The following CLUAP1 variants were observed in gnomAD, a reference collection of about 807,000 sequenced individuals.
The protein encoded by CLUAP1 is intraflagellar transport 38.
CLUAP1 carries 50 observed loss-of-function variants against 55.0 expected under a neutral mutation model. That is an observed-to-expected ratio of 0.91 (90% CI 0.72 to 1.15). The LOEUF (loss-of-function observed/expected upper bound fraction) is 1.15, where lower values mean the gene tolerates loss of function less well. Ranked by LOEUF, CLUAP1 falls within the 50% of genes most tolerant of loss-of-function variation. The pLI is 0.00. For missense variants in CLUAP1, 530 were observed against 507.6 expected (o/e 1.04, Z -0.42); for synonymous variants, 195 against 175.4 (o/e 1.11, Z -0.88).
chr16:3,520,314 G>T (rs772886305), intron 7 of CLUAP1, among the ~76,000 whole-genome samples: 1 of 152,036 alleles, frequency 6.6e-6, no homozygotes, highest in South Asian at 2.1e-4. Flanking sequence ...TGAGGCTGCA[G>T]TGAGCTATGG....
chr16:3,522,286 C>T (rs2037853205), intron 7 of CLUAP1, among the ~76,000 whole-genome samples: 1 of 151,994 alleles, frequency 6.6e-6, no homozygotes, highest in Admixed American at 6.6e-5. Flanking sequence ...GCCTCAGCCA[C>T]CCGAGTAGCT....
chr16:3,533,421 C>T (rs1360736410), intron 11 of CLUAP1: 9 of 492,922 alleles, frequency 1.8e-5, no homozygotes, highest in East Asian at 1.4e-4. Context: ...CGCCGAGGGC[C>T]GGGCTCAGGA....
At chr16:3,526,174 G>C (rs2037937925) in intron 8 of CLUAP1, among the ~76,000 whole-genome samples, 1 of 152,194 alleles carries the variant, frequency 6.6e-6, no homozygotes, top group African/African-American at 2.4e-5. Context: ...GGGTGGGGCA[G>C]CTGCTTCACT....
chr16:3,497,499 G>A (rs2037327085), upstream of CLUAP1, among the ~76,000 whole-genome samples: 1 of 152,164 alleles, frequency 6.6e-6, no homozygotes, highest in Non-Finnish European at 1.5e-5. Context: ...AAAGTGCTCA[G>A]TACAATTCTT....
At chr16:3,521,240 T>G (rs2037826762) in intron 7 of CLUAP1, among the ~76,000 whole-genome samples, 1 of 152,086 alleles carries the variant, frequency 6.6e-6, no homozygotes, top group Admixed American at 6.5e-5. Flanking sequence ...TTTTAAAGCA[T>G]CAATTCATTT....
chr16:3,509,196 C>A (rs1406607881), intron 4 of CLUAP1, among the ~76,000 whole-genome samples: 1 of 152,174 alleles, frequency 6.6e-6, no homozygotes, highest in Non-Finnish European at 1.5e-5. Context: ...GGCAGTCAAG[C>A]CATGTTCATG....
At chr16:3,501,811 G>A (rs2037408596) in intron 1 of CLUAP1, among the ~76,000 whole-genome samples, 1 of 151,940 alleles carries the variant, frequency 6.6e-6, no homozygotes, top group African/African-American at 2.4e-5. Flanking sequence ...AACCAGCAAC[G>A]AAACCGAGGA....
upstream of CLUAP1, among the ~76,000 whole-genome samples, chr16:3,497,934 G>C (rs2037330825): frequency 6.6e-6 from 1 of 152,172 alleles, no homozygotes; most frequent in African/African-American, 2.4e-5. Flanking sequence ...TGGGGTGATA[G>C]GTGTGAGCCG....
the CLUAP1 span, chr16:3,495,552 C>T: frequency 6.7e-7 from 1 of 1,497,990 alleles, no homozygotes; most frequent in East Asian, 2.5e-5. Flanking sequence ...GGAAGACTCC[C>T]AGCCTTCCTG....
At chr16:3,521,086 G>GC (rs2037823338) in intron 7 of CLUAP1, among the ~76,000 whole-genome samples, 1 of 151,584 alleles carries the variant, frequency 6.6e-6, no homozygotes, top group African/African-American at 2.4e-5. Context: ...CACAGGGAGC[G>GC]CCCTGGCTCC....
At chr16:3,495,532 G>A in the CLUAP1 span, 2 of 1,527,564 alleles carry the variant, frequency 1.3e-6, no homozygotes, top group Non-Finnish European at 1.8e-6. Flanking sequence ...TGGTTCTTAT[G>A]ACATCACGGG....
rs931955132 is a variant in CLUAP1, at chr16:3,523,142, C to T, written c.714-16C>T. The T allele has an allele frequency of 2.5e-6, 4 of 1,595,768 alleles. No homozygotes were observed. Among genetic ancestry groups the T allele is most frequent in the Non-Finnish European group, 3.4e-6 (4 of 1,172,684 alleles). On this transcript the variant is annotated splice_polypyrimidine_tract_variant and intron_variant, in intron 7 of 11. Transcript: ENST00000576634. ...TATAATTCACCTTTCCTTTTTATTT[C>T]ATTTGCTTCTTTTAGGCCATGTTTT... is the stretch of plus-strand genomic sequence containing the variant.
At chr16:3,509,932 T>G (rs1323710299) in intron 4 of CLUAP1, 1 of 152,104 alleles carries the variant, frequency 6.6e-6, no homozygotes, top group Non-Finnish European at 1.5e-5. Context: ...GTTCAAGAGA[T>G]TCTTCTGCCT....
At chr16:3,514,813 T>C (rs1010117200) in intron 5 of CLUAP1, among the ~76,000 whole-genome samples, 11 of 152,178 alleles carry the variant, frequency 7.2e-5, no homozygotes, top group Admixed American at 5.9e-4. Context: ...AGTTTCAACA[T>C]AGGAATTTTG....
intron 4 of CLUAP1, among the ~76,000 whole-genome samples, chr16:3,509,471 G>A (rs748024658): frequency 6.6e-5 from 10 of 152,242 alleles, no homozygotes; most frequent in Non-Finnish European, 1.3e-4. Context: ...CGAAGCAGGC[G>A]GCAGGGCTGG....
At chr16:3,497,162 C>A (rs1394387209), upstream of CLUAP1, among the ~76,000 whole-genome samples, 1 of 151,580 alleles carries the variant, frequency 6.6e-6, no homozygotes, top group African/African-American at 2.4e-5. Flanking sequence ...TGACCCACCG[C>A]GCCCAGCAAC....
chr16:3,517,318 A>G (rs774184228), intron 6 of CLUAP1, among the ~76,000 whole-genome samples: 2 of 151,370 alleles, frequency 1.3e-5, no homozygotes, highest in African/African-American at 4.9e-5. Context: ...TTATTTGTTT[A>G]TTTTTTTAGA....
chr16:3,507,717 T>TGC lies in CLUAP1; in HGVS notation c.220-571_220-570dup, dbSNP rs1555492725. On this transcript the variant is annotated intron_variant, in intron 3 of 11. Coordinates refer to ENST00000576634, the MANE Select transcript of CLUAP1 (RefSeq NM_015041.3). ...GTGTGTGTGTGTGTGTGTGTGTGTGTGCAAATAAAAATATATATTTTTCCT... is the reference window on the plus strand; with the variant it reads ...GTGTGTGTGTGTGTGTGTGTGTGTGTGCGCAAATAAAAATATATATTTTTCCT... 9.6e-5 allele frequency among the ~76,000 whole-genome samples: 14 copies of TGC among 146,332 alleles called. No homozygotes were observed. In the East Asian group the frequency reaches 1.2e-3, roughly 13 times the overall value.
At chr16:3,526,755 T>A (rs1035448980) in intron 9 of CLUAP1, among the ~76,000 whole-genome samples, 3 of 152,220 alleles carry the variant, frequency 2.0e-5, no homozygotes, top group Admixed American at 6.5e-5. Context: ...CTCAAGAGTC[T>A]GGTTTAAATA....
Sources: gnomAD v4.1 joint callset for allele counts (sites outside exome capture counted in the v4.1 genomes callset) on GRCh38, gnomAD v4.1.1 for gene constraint, MANE v1.5 for transcripts, NCBI Gene and HGNC (gene_info 2026-07-23, HGNC 2026-07-21) for gene names.